Variants in GJC3 observed in about 807,000 individuals in gnomAD.
The protein encoded by GJC3 is gap junction protein gamma 3, also known as gap junction gamma-3 protein.
In GJC3, 17 loss-of-function variants were observed where a neutral mutation model predicts 19.8. That is an observed-to-expected ratio of 0.86 (90% CI 0.59 to 1.29). The LOEUF (loss-of-function observed/expected upper bound fraction) is 1.29. GJC3 is among the 50% of genes most tolerant of loss of function. The pLI is 0.00. For synonymous variants in GJC3, 140 were observed against 136.5 expected (o/e 1.03, Z -0.18); for missense variants, 317 against 332.5 (o/e 0.95, Z 0.36).
intron 1 of GJC3, among the ~76,000 whole-genome samples, chr7:99,926,154 C>T (rs1352939227): frequency 6.6e-6 from 1 of 151,990 alleles, no homozygotes; most frequent in East Asian, 1.9e-4. Flanking sequence ...GCCAACATGG[C>T]AAAACCCTGT....
In GJC3 at chr7:99,929,295, C is replaced by G; in HGVS notation, c.326G>C (p.Gly109Ala). 6.2e-7 allele frequency: 1 copy of G among 1,614,198 alleles called. No individual in the cohort carries two copies. The highest frequency in any genetic ancestry group is 1.1e-5 in the South Asian group (1 of 91,084). ...VIWHWELSGK[G>A]KEEETLIQGR... ...CTGGATCAGGGTCTCCTCCTCCTTC[C>G]CCTTTCCTGATAATTCCCAGTGCCA... The change falls in exon 1 of 2, where the codon GGG becomes GCG. Residue 109 changes from glycine to alanine, a missense_variant. Transcript: ENST00000312891.
intron 1 of GJC3, among the ~76,000 whole-genome samples, chr7:99,925,603 A>G (rs1819777192): frequency 6.6e-6 from 1 of 152,328 alleles, no homozygotes; most frequent in Admixed American, 6.5e-5. Context: ...ACAATCATAG[A>G]ATGGGAGAAG....
At position 99,928,826 on chromosome 7, in the gene GJC3, C is replaced by T. The variant is rs561367050; in HGVS notation, c.781+14G>A. 3.8e-5 allele frequency: 62 copies of T among 1,612,630 alleles called. No homozygotes were observed. Among genetic ancestry groups the T allele is most frequent in the East Asian group, 3.8e-4 (17 of 44,882 alleles). On this transcript the variant is annotated intron_variant, in intron 1 of 1. Transcript: ENST00000312891. The stretch of plus-strand genomic sequence containing the variant: ...ACAAACATCAGTGACAGGAAGAGAG[C>T]GTGTCCTTCTCACCTGCTTCTTGAA...
At position 99,929,277 on chromosome 7, in the gene GJC3, AG is replaced by A. The variant is rs1819858342; in HGVS notation, c.343del (p.Leu115Ter). Reference protein sequence around the residue: ...LSGKGKEEETLIQGREGNTDV... With the variant: ...LSGKGKEEETXIQGREGNTDV... ...TGTGTTGCCCTCCCGTCCCTGGATCAGGGTCTCCTCCTCCTTCCCCTTTCCT... is the reference window on the plus strand; with the variant it reads ...TGTGTTGCCCTCCCGTCCCTGGATCAGGTCTCCTCCTCCTTCCCCTTTCCT... On this transcript the variant is annotated frameshift_variant, in exon 1 of 2. Transcript: ENST00000312891. LOFTEE classifies it high-confidence loss of function. 6.2e-7 allele frequency: 1 copy of A among 1,614,140 alleles called. No individual in the cohort carries two copies. The highest frequency in any genetic ancestry group is 1.6e-4 in the Middle Eastern group (1 of 6,062).
chr7:99,926,057 G>A (rs1157684391), intron 1 of GJC3, among the ~76,000 whole-genome samples: 1 of 152,208 alleles, frequency 6.6e-6, no homozygotes, highest in Non-Finnish European at 1.5e-5. Context: ...ACTGGGGCCA[G>A]GTGTGGTGGC....
chr7:99,923,746 A>G, intron 1 of GJC3, 143 bp from the exon 2 acceptor site: 2 of 679,092 alleles, frequency 2.9e-6, no homozygotes, highest in Non-Finnish European at 5.4e-6. Context: ...AAGGCTTTGA[A>G]AACTGAACTG....
chr7:99,927,648 A>G (rs2115585888), intron 1 of GJC3, among the ~76,000 whole-genome samples: 1 of 152,056 alleles, frequency 6.6e-6, no homozygotes, highest in African/African-American at 2.4e-5. Flanking sequence ...TAAAAAAAAA[A>G]AGGGATAGAA....
intron 1 of GJC3, among the ~76,000 whole-genome samples, chr7:99,928,280 C>T (rs542625111): frequency 1.3e-5 from 2 of 152,286 alleles, no homozygotes; most frequent in African/African-American, 2.4e-5. Context: ...AGGCTTCTCC[C>T]GGCTGACTCT....
At chr7:99,930,288 C>CT (rs1819877611), upstream of GJC3, among the ~76,000 whole-genome samples, 1 of 152,132 alleles carries the variant, frequency 6.6e-6, no homozygotes, top group African/African-American at 2.4e-5. Context: ...TTAGGCCTTA[C>CT]AAGCTGAGGA....
intron 1 of GJC3, among the ~76,000 whole-genome samples, chr7:99,923,956 G>T (rs149744576): frequency 2.0e-5 from 3 of 152,256 alleles, no homozygotes; most frequent in South Asian, 4.1e-4. Context: ...CTCAACTCAC[G>T]TTGGGAAAAA....
rs897073728 is a variant in GJC3, at chr7:99,923,362, A to G, written c.*183T>C. ...TGCCTCCCTGAGCAATGGTGCAAAC[A>G]TGGCTTTTATTAGTCTGGTTAGCTG... On this transcript the variant is annotated 3_prime_UTR_variant, in exon 2 of 2. Transcript: ENST00000312891. 10 of 659,126 alleles carry G rather than the reference A, an allele frequency of 1.5e-5. No individual in the cohort carries two copies. Among genetic ancestry groups the G allele is most frequent in the Non-Finnish European group, 2.5e-5 (9 of 362,344 alleles). 40.8% of individuals were successfully genotyped at this position (659,126 alleles called of 1,614,324 possible). A position where few individuals can be genotyped will look rare whatever the true frequency, so the allele number is the denominator to read the frequency against.
chr7:99,929,847 C>T (rs1056072938), upstream of GJC3: 7 of 601,596 alleles, frequency 1.2e-5, no homozygotes. Flanking sequence ...GTGGCTCTCT[C>T]TTCTGCCCTC....
upstream of GJC3, among the ~76,000 whole-genome samples, chr7:99,930,434 T>C (rs1007578664): frequency 1.3e-5 from 2 of 152,210 alleles, no homozygotes; most frequent in African/African-American, 2.4e-5. Flanking sequence ...TTGGGCATAT[T>C]ATCTCCCTCA....
At chr7:99,929,655 G>C, upstream of GJC3, 1 of 1,570,554 alleles carries the variant, frequency 6.4e-7, no homozygotes, top group Non-Finnish European at 8.6e-7. Context: ...GATCAGTGTT[G>C]TTCACTGTCC....
In GJC3 at chr7:99,926,133, A is replaced by T. The variant is rs562349663; in HGVS notation, c.782-2530T>A. Among the ~76,000 whole-genome samples, 4 of 152,344 alleles carry T rather than the reference A, an allele frequency of 2.6e-5. 1 individual carries two copies. The South Asian group carries it at 8.3e-4, about 32-fold the overall frequency. ...CAGATAACCTGAGGTCAGGAGTTTG[A>T]GACCAGCCTGGCCAACATGGCAAAA... On this transcript the variant is annotated intron_variant, in intron 1 of 1. Coordinates refer to ENST00000312891, the MANE Select transcript of GJC3 (RefSeq NM_181538.3).
At chr7:99,926,646 T>C (rs1340161756) in intron 1 of GJC3, among the ~76,000 whole-genome samples, 7 of 152,188 alleles carry the variant, frequency 4.6e-5, no homozygotes, top group African/African-American at 1.7e-4. Context: ...CAAAACCATA[T>C]GATGGTTGCA....
Position 99,928,884 on chromosome 7 carries a change from T to C in GJC3, c.737A>G (p.Asp246Gly). ...ESTRRHKKAT[D>G]SLPVVETKEQ... is the part of the protein sequence containing the mutation. ...TTTGGTTTCCACCACTGGGAGGCTA[T>C]CGGTTGCTTTCTTGTGTCTTCTGGT... Residue 246 changes from aspartate to glycine, a missense_variant, in exon 1 of 2, where the codon GAT becomes GGT. By Grantham distance (94) the Asp-to-Gly change is moderately conservative. Transcript: ENST00000312891. The C allele has an allele frequency of 6.2e-7, 1 of 1,614,168 alleles. No homozygotes were observed. Among genetic ancestry groups the C allele is most frequent in the Non-Finnish European group, 8.5e-7 (1 of 1,180,024 alleles).
chr7:99,927,361 AG>A (rs1488658724), intron 1 of GJC3, among the ~76,000 whole-genome samples: 4 of 152,226 alleles, frequency 2.6e-5, no homozygotes, highest in Non-Finnish European at 4.4e-5. Context: ...CTGTTTTAAA[AG>A]GGGGTGGTAT....
rs181957510 is a variant in GJC3, at chr7:99,923,429, A to T, written c.*116T>A. On this transcript the variant is annotated 3_prime_UTR_variant, in exon 2 of 2. Coordinates refer to ENST00000312891, the MANE Select transcript of GJC3 (RefSeq NM_181538.3). Reference sequence around the variant, plus strand: ...GGTGGAGTCAAGGCAGCGCAGTCCCAGTTGTCGGTTATGCTGCTACATATG... The same window carrying T: ...GGTGGAGTCAAGGCAGCGCAGTCCCTGTTGTCGGTTATGCTGCTACATATG... 91 of 772,060 alleles carry T rather than the reference A, an allele frequency of 1.2e-4. No homozygotes were observed. In the African/African-American group the frequency reaches 1.3e-3, roughly 11 times the overall value. 47.8% of individuals were successfully genotyped at this position (772,060 alleles called of 1,614,324 possible). A position where few individuals can be genotyped will look rare whatever the true frequency, so the allele number is the denominator to read the frequency against.
Sources: gnomAD v4.1 joint callset for allele counts (sites outside exome capture counted in the v4.1 genomes callset) on GRCh38, gnomAD v4.1.1 for gene constraint, MANE v1.5 for transcripts, NCBI Gene and HGNC (gene_info 2026-07-23, HGNC 2026-07-21) for gene names.